MAP3K7CL: variants seen among roughly 807,000 people sequenced by gnomAD.
The protein encoded by MAP3K7CL is MAP3K7 C-terminal like.
MAP3K7CL carries 16 observed loss-of-function variants against 18.6 expected under a neutral mutation model. That is an observed-to-expected ratio of 0.86 (90% CI 0.58 to 1.31). MAP3K7CL has a LOEUF of 1.31. MAP3K7CL is among the 50% of genes most tolerant of loss of function. MAP3K7CL has a pLI of 0.00. For synonymous variants in MAP3K7CL, 65 were observed against 66.8 expected (o/e 0.97, Z 0.13); for missense variants, 163 against 174.4 (o/e 0.93, Z 0.37).
At chr21:29,084,067 T>A (rs2085884471), upstream of MAP3K7CL, among the ~76,000 whole-genome samples, 2 of 148,346 alleles carry the variant, frequency 1.3e-5, no homozygotes. Context: ...TATATACATG[T>A]ATAATATGTA....
intron 4 of MAP3K7CL, among the ~76,000 whole-genome samples, chr21:29,104,640 T>C (rs958651037): frequency 6.6e-6 from 1 of 152,180 alleles, no homozygotes; most frequent in African/African-American, 2.4e-5. Context: ...AGCTGGAGTA[T>C]TTGGAATCAC....
upstream of MAP3K7CL, among the ~76,000 whole-genome samples, chr21:29,126,369 T>TTTA (rs1241252116): frequency 1.3e-5 from 2 of 152,256 alleles, no homozygotes; most frequent in Non-Finnish European, 2.9e-5. Context: ...TATGGCTGCC[T>TTTA]TTATGCTACA....
chr21:29,094,102 A>G (rs1210369827), intron 4 of MAP3K7CL, among the ~76,000 whole-genome samples: 2 of 152,226 alleles, frequency 1.3e-5, no homozygotes, highest in Non-Finnish European at 1.5e-5. Context: ...AATGGTTCTC[A>G]ACTGGGGGCA....
chr21:29,158,551 A>G (rs191186791), intron 3 of MAP3K7CL, among the ~76,000 whole-genome samples: 1 of 152,344 alleles, frequency 6.6e-6, no homozygotes, highest in African/African-American at 2.4e-5. Context: ...CTCATGATAC[A>G]TAGGGAATGT....
chr21:29,116,210 A>G (rs752658448), intron 4 of MAP3K7CL, among the ~76,000 whole-genome samples: 4 of 152,240 alleles, frequency 2.6e-5, no homozygotes, highest in Admixed American at 6.5e-5. Context: ...ATCTTCAGCT[A>G]TACTAACTCT....
intron 3 of MAP3K7CL, 82 bp downstream of exon 3, chr21:29,149,332 G>A (rs1455007893): frequency 2.1e-5 from 26 of 1,224,364 alleles, no homozygotes; most frequent in Non-Finnish European, 2.9e-5. Context: ...GGCCTGACTA[G>A]GGGAGACTGA....
intron 4 of MAP3K7CL, among the ~76,000 whole-genome samples, chr21:29,107,787 G>T (rs2086350128): frequency 6.6e-6 from 1 of 152,132 alleles, no homozygotes; most frequent in Admixed American, 6.5e-5. Context: ...AATGTCCATT[G>T]GTTAAACTAT....
In MAP3K7CL at chr21:29,175,185, G is replaced by A. The variant is rs1271700213; in HGVS notation, c.*293G>A. 2 of 205,756 alleles carry A rather than the reference G, an allele frequency of 9.7e-6. No homozygotes were observed. The highest frequency in any genetic ancestry group is 1.9e-5 in the Non-Finnish European group (2 of 102,886). 12.7% of individuals were successfully genotyped at this position (205,756 alleles called of 1,614,324 possible). A position where few individuals can be genotyped will look rare whatever the true frequency, so the allele number is the denominator to read the frequency against. ...AAGATATGATCATGCTGTACAACAG[G>A]GTAGAAAATGATAAAAATAGACTAT... On this transcript the variant is annotated 3_prime_UTR_variant, in exon 5 of 5. Coordinates refer to ENST00000399928, the MANE Select transcript of MAP3K7CL (RefSeq NM_001286620.2).
intron 4 of MAP3K7CL, among the ~76,000 whole-genome samples, chr21:29,113,649 C>T (rs1048632105): frequency 5.3e-5 from 8 of 152,148 alleles, no homozygotes; most frequent in Admixed American, 2.0e-4. Context: ...CCTCAGCCTC[C>T]CCTGTAGCTG....
intron 1 of MAP3K7CL, among the ~76,000 whole-genome samples, chr21:29,078,584 A>G (rs999841799): frequency 2.0e-5 from 3 of 152,198 alleles, no homozygotes; most frequent in African/African-American, 7.2e-5. Context: ...TGCAATCAAG[A>G]AAGGTAGCCC....
intron 4 of MAP3K7CL, among the ~76,000 whole-genome samples, chr21:29,108,582 C>A (rs1327816319): frequency 6.6e-6 from 1 of 152,088 alleles, no homozygotes; most frequent in Non-Finnish European, 1.5e-5. Context: ...CTGAATGTAA[C>A]CTTAGAAGAA....
At chr21:29,169,597 G>A (rs564533668) in intron 4 of MAP3K7CL, among the ~76,000 whole-genome samples, 1 of 152,246 alleles carries the variant, frequency 6.6e-6, no homozygotes, top group South Asian at 2.1e-4. Context: ...GGGCCAAACT[G>A]TCTAGAATTT....
intron 1 of MAP3K7CL, among the ~76,000 whole-genome samples, chr21:29,087,589 C>CTTTTTTTTTTTTTTT (rs56775764): frequency 9.6e-6 from 1 of 104,354 alleles, no homozygotes; most frequent in Non-Finnish European, 1.8e-5. Context: ...TTTTCTTTTT[C>CTTTTTTTTTTTTTTT]TTTTTTTTTT....
At chr21:29,086,310 A>C (rs2085924651) in intron 1 of MAP3K7CL, among the ~76,000 whole-genome samples, 1 of 152,238 alleles carries the variant, frequency 6.6e-6, no homozygotes. Context: ...AAATGTGGCC[A>C]GGAAAAATCA....
At chr21:29,132,125 A>G (rs1453292660) in intron 1 of MAP3K7CL, among the ~76,000 whole-genome samples, 1 of 152,228 alleles carries the variant, frequency 6.6e-6, no homozygotes, top group Non-Finnish European at 1.5e-5. Context: ...AGTTAAATAT[A>G]TGTTTTTAAA....
At chr21:29,094,781 A>G (rs2086092007) in intron 4 of MAP3K7CL, among the ~76,000 whole-genome samples, 1 of 152,060 alleles carries the variant, frequency 6.6e-6, no homozygotes. Context: ...TCATGCGGGT[A>G]TCTTTCTTCT....
intron 3 of MAP3K7CL, among the ~76,000 whole-genome samples, chr21:29,156,473 T>A (rs954926897): frequency 1.3e-5 from 2 of 152,222 alleles, no homozygotes; most frequent in African/African-American, 4.8e-5. Context: ...ACTCCATTTT[T>A]AAACTGGAAA....
At chr21:29,085,254 A>G (rs1039718680), upstream of MAP3K7CL, 1 of 152,284 alleles carries the variant, frequency 6.6e-6, no homozygotes, top group African/African-American at 2.4e-5. Context: ...AGCTAGACCA[A>G]CAAGGGCTTG....
chr21:29,172,929 C>T (rs1195046159), intron 4 of MAP3K7CL, among the ~76,000 whole-genome samples: 1 of 146,018 alleles, frequency 6.8e-6, no homozygotes, highest in African/African-American at 2.5e-5. Context: ...TATGTATTTT[C>T]CTTTCTTCTT....
Sources: allele counts gnomAD v4.1 joint callset (sites outside exome capture counted in the v4.1 genomes callset), GRCh38; gene constraint gnomAD v4.1.1; transcripts MANE v1.5; gene names NCBI Gene and HGNC (gene_info 2026-07-23, HGNC 2026-07-21).